PRKG2: variants seen among roughly 807,000 people sequenced by gnomAD.
PRKG2 encodes cGMP-dependent protein kinase 2.
Under a neutral mutation model 97.2 loss-of-function variants are expected in PRKG2, and 33 were observed. The ratio of observed to expected loss-of-function variants is 0.34; its 90% CI spans 0.26 to 0.45. The LOEUF (loss-of-function observed/expected upper bound fraction) is 0.45, where lower values mean the gene tolerates loss of function less well. Among genes scored for constraint, PRKG2 ranks in the 20% least tolerant of loss-of-function variants. The pLI, the probability that PRKG2 is intolerant of heterozygous loss-of-function variation, is 1.00. For synonymous variants in PRKG2, 330 were observed against 321.8 expected, an observed-to-expected ratio of 1.03 and a Z score of -0.27; for missense variants, 638 against 900.0, an observed-to-expected ratio of 0.71 and a Z score of 3.73.
chr4:81,158,374 G>C (rs1015403219), intron 6 of PRKG2, among the ~76,000 whole-genome samples: 1 of 145,802 alleles, frequency 6.9e-6, no homozygotes, highest in African/African-American at 2.8e-5. Context: ...AACTTACAAG[G>C]CATGTGAAGG....
At chr4:81,148,433 C>A (rs1045414431) in intron 9 of PRKG2, among the ~76,000 whole-genome samples, 1 of 151,990 alleles carries the variant, frequency 6.6e-6, no homozygotes, top group Non-Finnish European at 1.5e-5. Flanking sequence ...CAAATTACAA[C>A]AAATGTTCAA....
Position 81,153,713 on chromosome 4 carries a change from A to G in PRKG2, c.921T>C (p.Tyr307=), listed in dbSNP as rs1748650669. The stretch of plus-strand genomic sequence containing the variant: ...CTCTAATGATGTAATCTCCTTTGTC[A>G]TAGTATTCCTGTTGGGATGAGAGAG... ...KIIDCLEVEY[Y]DKGDYIIREG... is the part of the protein sequence containing the mutation. Residue 307 remains tyrosine, a synonymous_variant, in exon 7 of 19, where the codon TAT becomes TAC. Coordinates refer to ENST00000264399, the MANE Select transcript of PRKG2 (RefSeq NM_006259.3). 4 of 1,604,728 alleles carry G rather than the reference A, an allele frequency of 2.5e-6. No homozygotes were observed. Among genetic ancestry groups the G allele is most frequent in the Non-Finnish European group, 3.4e-6 (4 of 1,171,704 alleles).
In PRKG2 at chr4:81,206,502, T is replaced by C. The variant is rs140856076; in HGVS notation, c.-13-1442A>G. Among the ~76,000 whole-genome samples, 864 of 152,220 alleles carry C rather than the reference T, an allele frequency of 5.7e-3. 12 individuals carry two copies. The East Asian group carries it at 0.058, about 10-fold the overall frequency. On this transcript the variant is annotated intron_variant, in intron 1 of 18. Transcript: ENST00000264399. ...TTCCCCAGCCATGTAGAACTGTGAG[T>C]CCATTAAACCCCTTTCCTTTACAAA...
At chr4:81,213,984 C>A (rs1174120188) in intron 1 of PRKG2, among the ~76,000 whole-genome samples, 1 of 152,076 alleles carries the variant, frequency 6.6e-6, no homozygotes, top group Non-Finnish European at 1.5e-5. Context: ...CTCATACCCT[C>A]CTGTGCAAAA....
chr4:81,123,794 A>C (rs1456057691), intron 14 of PRKG2, among the ~76,000 whole-genome samples: 2 of 151,912 alleles, frequency 1.3e-5, no homozygotes, highest in Non-Finnish European at 2.9e-5. Flanking sequence ...CTGTTTCCTT[A>C]ATTTATGCTT....
At chr4:81,091,091 T>C (rs1365511916) in intron 18 of PRKG2, among the ~76,000 whole-genome samples, 1 of 152,100 alleles carries the variant, frequency 6.6e-6, no homozygotes, top group African/African-American at 2.4e-5. Context: ...TTGTCAAGCA[T>C]AGAAGCATTT....
chr4:81,090,559 G>C (rs974449647), intron 18 of PRKG2, among the ~76,000 whole-genome samples: 3 of 152,196 alleles, frequency 2.0e-5, no homozygotes, highest in African/African-American at 7.2e-5. Context: ...CCTGTTGAGA[G>C]AGTGAAATTA....
At chr4:81,199,190 G>T (rs553004220) in intron 2 of PRKG2, among the ~76,000 whole-genome samples, 1 of 152,196 alleles carries the variant, frequency 6.6e-6, no homozygotes, top group African/African-American at 2.4e-5. Flanking sequence ...ATGTAAGTCA[G>T]TATTTCATGG....
chr4:81,114,598 G>GTTT (rs1309659443), intron 14 of PRKG2, among the ~76,000 whole-genome samples: 1 of 152,126 alleles, frequency 6.6e-6, no homozygotes, highest in Non-Finnish European at 1.5e-5. Context: ...GTTTGAGTTG[G>GTTT]TGATTATTTT....
intron 6 of PRKG2, among the ~76,000 whole-genome samples, chr4:81,155,696 T>A (rs1289507557): frequency 1.3e-5 from 2 of 151,408 alleles, no homozygotes; most frequent in African/African-American, 4.9e-5. Context: ...CGGGTTACCC[T>A]CAAAGGGAAG....
chr4:81,186,319 C>G (rs1751877041), intron 2 of PRKG2, among the ~76,000 whole-genome samples: 1 of 152,190 alleles, frequency 6.6e-6, no homozygotes, highest in African/African-American at 2.4e-5. Flanking sequence ...TTAAGAAACT[C>G]ACTCAAAACT....
At chr4:81,173,909 C>T (rs1192741621) in intron 3 of PRKG2, 1 of 151,948 alleles carries the variant, frequency 6.6e-6, no homozygotes, top group Non-Finnish European at 1.5e-5. Flanking sequence ...GAAAGCATTC[C>T]TCCATTCATC....
At chr4:81,127,022 T>C (rs549018480) in intron 14 of PRKG2, among the ~76,000 whole-genome samples, 265 of 151,654 alleles carry the variant, frequency 1.7e-3, no homozygotes, top group African/African-American at 6.2e-3. Context: ...TTTAAGTCTT[T>C]ATCTTGAGTT....
intron 2 of PRKG2, among the ~76,000 whole-genome samples, chr4:81,178,611 A>T (rs913507340): frequency 3.9e-5 from 6 of 152,030 alleles, no homozygotes; most frequent in Non-Finnish European, 8.8e-5. Context: ...GATAAAATGC[A>T]GCTGATAATA....
intron 2 of PRKG2, among the ~76,000 whole-genome samples, chr4:81,197,838 G>C (rs1048053691): frequency 7.9e-5 from 12 of 152,116 alleles, no homozygotes; most frequent in African/African-American, 2.7e-4. Flanking sequence ...AAACGTGGAA[G>C]AAAATATTAA....
intron 15 of PRKG2, among the ~76,000 whole-genome samples, chr4:81,106,399 C>T (rs1743344384): frequency 6.6e-6 from 1 of 151,982 alleles, no homozygotes; most frequent in Non-Finnish European, 1.5e-5. Flanking sequence ...GTGAAGTGGG[C>T]AGTGTGGCTG....
intron 3 of PRKG2, among the ~76,000 whole-genome samples, chr4:81,172,053 A>G (rs1016616415): frequency 6.6e-6 from 1 of 151,538 alleles, no homozygotes; most frequent in Non-Finnish European, 1.5e-5. Flanking sequence ...GATAATAATA[A>G]TTATTATTAT....
Position 81,137,523 on chromosome 4 carries a change from A to T in PRKG2, c.1545-41T>A, listed in dbSNP as rs181806195. 6.9e-5 allele frequency: 104 copies of T among 1,517,248 alleles called. No individual in the cohort carries two copies. In the African/African-American group the frequency reaches 1.3e-3, roughly 19 times the overall value. The allele number at this position is 1,517,248 out of a possible 1,614,324, so 94.0% of individuals were successfully genotyped here. ...AAAACATGGTTATTATTGGAAATCT[A>T]GTTTAAAAACCTTTTTAAAGTTGCT... On this transcript the variant is annotated intron_variant, in intron 12 of 18. Transcript: ENST00000264399.
chr4:81,153,808 G>T (rs187411001), intron 6 of PRKG2, 87 bp from the exon 7 acceptor site: 4 of 915,722 alleles, frequency 4.4e-6, no homozygotes, highest in South Asian at 1.4e-5. Flanking sequence ...AGCTCCCAGC[G>T]TGAGCGGCGC....
Sources: gnomAD v4.1 joint callset for allele counts (sites outside exome capture counted in the v4.1 genomes callset) on GRCh38, gnomAD v4.1.1 for gene constraint, MANE v1.5 for transcripts, NCBI Gene and HGNC (gene_info 2026-07-23, HGNC 2026-07-21) for gene names.